Variants in TTC7B observed in about 807,000 individuals in gnomAD.
The protein encoded by TTC7B is tetratricopeptide repeat protein 7B.
TTC7B carries 28 observed loss-of-function variants against 106.8 expected under a neutral mutation model. The observed-to-expected ratio is 0.26, with a 90% CI of 0.19 to 0.36. The LOEUF (loss-of-function observed/expected upper bound fraction) is 0.36. Ranked by LOEUF, TTC7B falls within the 10% of genes least tolerant of loss-of-function variation. The pLI, the probability that TTC7B is intolerant of heterozygous loss-of-function variation, is 1.00. For synonymous variants in TTC7B, 405 were observed against 430.6 expected (o/e 0.94, Z 0.74); for missense variants, 862 against 1,076.4 (o/e 0.80, Z 2.79).
intron 2 of TTC7B, among the ~76,000 whole-genome samples, chr14:90,781,356 T>C (rs1891214465): frequency 6.6e-6 from 1 of 152,162 alleles, no homozygotes; most frequent in Non-Finnish European, 1.5e-5. Context: ...TGTTCTAGAA[T>C]TCATTGTGGT....
chr14:90,541,645 G>A (rs994473934), intron 19 of TTC7B, 56 bp from the exon 20 acceptor site: 4 of 1,379,892 alleles, frequency 2.9e-6, no homozygotes, highest in African/African-American at 2.9e-5. Context: ...CAGGAGCTCT[G>A]CATCCTACTT....
At chr14:90,799,590 A>T (rs189321009) in intron 1 of TTC7B, among the ~76,000 whole-genome samples, 17 of 152,262 alleles carry the variant, frequency 1.1e-4, no homozygotes, top group Non-Finnish European at 1.8e-4. Context: ...GATCTGAGCG[A>T]AGAGCATTCC....
chr14:90,534,920 G>C lies in TTC7B; in HGVS notation c.*6448C>G, dbSNP rs537167629. 6.5e-6 allele frequency: 1 copy of C among 152,800 alleles called. No individual in the cohort carries two copies. Among genetic ancestry groups the C allele is most frequent in the African/African-American group, 2.4e-5 (1 of 41,564 alleles). 9.5% of individuals were successfully genotyped at this position (152,800 alleles called of 1,614,324 possible). On this transcript the variant is annotated 3_prime_UTR_variant, in exon 20 of 20. Coordinates refer to ENST00000328459, the MANE Select transcript of TTC7B (RefSeq NM_001010854.2). ...CAGGCAGAGAGTCTGGGCCCGCAAT[G>C]ATGACTGTGTGGCCGCCGGGGAGAT... is the stretch of plus-strand genomic sequence containing the variant.
intron 15 of TTC7B, among the ~76,000 whole-genome samples, chr14:90,626,116 C>G (rs1031136012): frequency 6.6e-6 from 1 of 152,154 alleles, no homozygotes; most frequent in African/African-American, 2.4e-5. Flanking sequence ...AAGCACCGCT[C>G]TCATTCATAA....
chr14:90,661,187 C>A (rs1270648483), intron 9 of TTC7B, among the ~76,000 whole-genome samples: 1 of 152,224 alleles, frequency 6.6e-6, no homozygotes, highest in African/African-American at 2.4e-5. Context: ...CAGGGGGAAC[C>A]AAATAAATTC....
At chr14:90,758,477 G>A (rs1890389103) in intron 3 of TTC7B, among the ~76,000 whole-genome samples, 2 of 149,088 alleles carry the variant, frequency 1.3e-5, no homozygotes, top group Admixed American at 6.7e-5. Flanking sequence ...GGGCGGGGCA[G>A]GGGGGGCACG....
chr14:90,720,920 G>T (rs891474420), intron 5 of TTC7B, among the ~76,000 whole-genome samples: 8 of 152,156 alleles, frequency 5.3e-5, no homozygotes, highest in African/African-American at 1.9e-4. Context: ...TTTGACAGAT[G>T]AATAAATATG....
intron 18 of TTC7B, among the ~76,000 whole-genome samples, chr14:90,591,121 C>T (rs1377602110): frequency 6.6e-6 from 1 of 152,192 alleles, no homozygotes; most frequent in Non-Finnish European, 1.5e-5. Flanking sequence ...AGGCAGATCA[C>T]CTGAGGTCAG....
intron 3 of TTC7B, among the ~76,000 whole-genome samples, chr14:90,766,299 G>A (rs1890679103): frequency 6.6e-6 from 1 of 151,928 alleles, no homozygotes; most frequent in African/African-American, 2.4e-5. Flanking sequence ...CTATTCAGAG[G>A]AAAAGTATAT....
At chr14:90,569,825 T>A (rs909972044) in intron 19 of TTC7B, 3 of 152,390 alleles carry the variant, frequency 2.0e-5, no homozygotes, top group Non-Finnish European at 4.4e-5. Context: ...TCAGCTGTGA[T>A]TGCCCATGTG....
intron 1 of TTC7B, among the ~76,000 whole-genome samples, chr14:90,812,755 G>A (rs945642163): frequency 1.7e-4 from 26 of 152,152 alleles, no homozygotes; most frequent in Non-Finnish European, 2.6e-4. Context: ...GGTAGGGTAC[G>A]AGGAAGAAGA....
rs1467104264 is a variant in TTC7B, at chr14:90,802,447, T to C, written c.121+13728A>G. ...AGGAGCCGCTGGCCTCTGAAGGGAG[T>C]GAGGGCTCCAAGCAGTGACAGAGGG... On this transcript the variant is annotated intron_variant, in intron 1 of 19. Coordinates refer to ENST00000328459, the MANE Select transcript of TTC7B (RefSeq NM_001010854.2). The surrounding 1 kb of genome is among the most constrained non-coding windows in gnomAD (Gnocchi z 4.7). Among the ~76,000 whole-genome samples, 2 of 151,020 alleles carry C rather than the reference T, an allele frequency of 1.3e-5. No individual in the cohort carries two copies. Among genetic ancestry groups the C allele is most frequent in the African/African-American group, 2.4e-5 (1 of 41,066 alleles).
intron 3 of TTC7B, among the ~76,000 whole-genome samples, chr14:90,779,020 A>G (rs980404387): frequency 2.6e-5 from 4 of 152,208 alleles, no homozygotes; most frequent in African/African-American, 9.6e-5. Context: ...GGCAGCACTC[A>G]ATGGCCAGCT....
chr14:90,593,529 C>T lies in TTC7B; in HGVS notation c.2064G>A (p.Pro688=), dbSNP rs181609125. ...SLQSSAPKQG[P]LHPWMTLAQI... ...GTGCCAGCGTCATCCAGGGGTGCAG[C>T]GGGCCCTGCTTAGGGGCACTGCTCT... is the stretch of plus-strand genomic sequence containing the variant. The change falls in exon 18 of 20, where the codon CCG becomes CCA. Residue 688 remains proline (P), a synonymous_variant. Transcript: ENST00000328459. 10 of 1,610,614 alleles carry T rather than the reference C, an allele frequency of 6.2e-6. No homozygotes were observed. Among genetic ancestry groups the T allele is most frequent in the Middle Eastern group, 1.7e-4 (1 of 6,054 alleles).
At chr14:90,597,364 A>C (rs1414528696) in intron 17 of TTC7B, among the ~76,000 whole-genome samples, 1 of 152,214 alleles carries the variant, frequency 6.6e-6, no homozygotes, top group Non-Finnish European at 1.5e-5. Flanking sequence ...TGGTTAAAAA[A>C]CAAACCAAGC....
At chr14:90,708,402 C>T (rs1888301878) in intron 5 of TTC7B, among the ~76,000 whole-genome samples, 1 of 152,340 alleles carries the variant, frequency 6.6e-6, no homozygotes, top group Non-Finnish European at 1.5e-5. Context: ...GCTAATGCAA[C>T]TGGTGACTTT....
chr14:90,554,856 A>T (rs1022925844), intron 19 of TTC7B, among the ~76,000 whole-genome samples: 1 of 152,204 alleles, frequency 6.6e-6, no homozygotes, highest in African/African-American at 2.4e-5. Context: ...ATAGGATCTG[A>T]TGTTTCTGCT....
intron 10 of TTC7B, 104 bp downstream of exon 10, chr14:90,658,200 A>G (rs1886030620): frequency 9.9e-7 from 1 of 1,014,282 alleles, no homozygotes. Context: ...GAGTGGCTCG[A>G]AAGACTTCCA....
rs1391684646 is a variant in TTC7B at position 90,527,604 on chromosome 14, G to A, written c.*13764C>T. ...AGATGGAGTCTCACTCTGTCGCCCA[G>A]GTGGGAGTGCAATGGCGCCATCTCG... On this transcript the variant is annotated 3_prime_UTR_variant, in exon 20 of 20. Coordinates refer to ENST00000328459, the MANE Select transcript of TTC7B (RefSeq NM_001010854.2). The A allele has an allele frequency of 6.7e-6, 1 of 149,388 alleles. No homozygotes were observed. Among genetic ancestry groups the A allele is most frequent in the African/African-American group, 2.5e-5 (1 of 40,128 alleles). 9.3% of individuals were successfully genotyped at this position (149,388 alleles called of 1,614,324 possible).
Sources: gnomAD v4.1 joint callset for allele counts (sites outside exome capture counted in the v4.1 genomes callset) on GRCh38, gnomAD v4.1.1 for gene constraint, Gnocchi (gnomAD v3.1) non-coding constraint, MANE v1.5 for transcripts, NCBI Gene and HGNC (gene_info 2026-07-23, HGNC 2026-07-21) for gene names.